Variants in MYH1 observed in about 807,000 individuals in gnomAD.
The protein encoded by MYH1 is myosin-1.
In MYH1, 214 loss-of-function variants were observed where a neutral mutation model predicts 225.6. The observed-to-expected ratio is 0.95, with a 90% CI of 0.85 to 1.06. The LOEUF is 1.06. Among genes scored for constraint, MYH1 ranks in the 50% least tolerant of loss-of-function variants. The probability of loss-of-function intolerance (pLI) is 0.00; values close to 1 mark genes in which losing one functional copy is unlikely to be tolerated. For synonymous variants in MYH1, 774 were observed against 842.3 expected (o/e 0.92, Z 1.40); for missense variants, 2,098 against 2,344.2 (o/e 0.89, Z 2.17).
Position 10,513,704 on chromosome 17 carries a change from A to T in MYH1, c.742-15T>A, listed in dbSNP as rs1464315525. Reference sequence around the variant, plus strand: ...ATGAATTTACCCTTGTAAGTAAAAAAAATGATGTTATACCCAAAGCTTGAA... The same window carrying T: ...ATGAATTTACCCTTGTAAGTAAAAATAATGATGTTATACCCAAAGCTTGAA... On this transcript the variant is annotated splice_polypyrimidine_tract_variant and intron_variant, in intron 8 of 39. Coordinates refer to ENST00000226207, the MANE Select transcript of MYH1 (RefSeq NM_005963.4). 1.2e-6 allele frequency: 2 copies of T among 1,613,870 alleles called. No individual in the cohort carries two copies. The highest frequency in any genetic ancestry group is 1.7e-6 in the Non-Finnish European group (2 of 1,179,844).
At chr17:10,513,542 C>G in intron 9 of MYH1, 84 bp downstream of exon 9, 1 of 1,332,316 alleles carries the variant, frequency 7.5e-7, no homozygotes, top group Non-Finnish European at 1.1e-6. Context: ...TTTACAAGCT[C>G]CATGTTCAGC....
Position 10,512,002 on chromosome 17 carries a change from G to A in MYH1, c.1267-14C>T, listed in dbSNP as rs367952734. ...TGCATTGTACACCTTCACAGATAAAGTTTGTTGGTGTTATTAAAGACATGT... is the reference window on the plus strand; with the variant it reads ...TGCATTGTACACCTTCACAGATAAAATTTGTTGGTGTTATTAAAGACATGT... On this transcript the variant is annotated splice_polypyrimidine_tract_variant and intron_variant, in intron 13 of 39. Coordinates refer to ENST00000226207, the MANE Select transcript of MYH1 (RefSeq NM_005963.4). The A allele has an allele frequency of 6.2e-7, 1 of 1,614,128 alleles. No homozygotes were observed.
rs753450887 is a variant in MYH1 at position 10,511,919 on chromosome 17, T to A, written c.1336A>T (p.Ile446Phe). 1.9e-6 allele frequency: 3 copies of A among 1,614,234 alleles called. No individual in the cohort carries two copies. The East Asian group carries it at 6.7e-5, about 36-fold the overall frequency. The change falls in exon 14 of 40, where the codon ATC (isoleucine) becomes TTC (phenylalanine). Residue 446 changes from isoleucine to phenylalanine, a missense_variant. Coordinates refer to ENST00000226207, the MANE Select transcript of MYH1 (RefSeq NM_005963.4). ...TGCTTGGTGTCCAGCTGCTGGTTGA[T>A]GCGGGTGACCATCCACAAGAACATC... ...DKMFLWMVTR[I>F]NQQLDTKQPR...
At chr17:10,515,862 G>A (rs1471052496) in intron 5 of MYH1, 64 bp downstream of exon 5, 4 of 1,610,796 alleles carry the variant, frequency 2.5e-6, no homozygotes, top group Non-Finnish European at 3.4e-6. Flanking sequence ...TCTTTTTTTA[G>A]TTCTAATATT....
At chr17:10,513,974 G>A (rs1421625504) in intron 7 of MYH1, 36 bp downstream of exon 7, 52 of 1,613,796 alleles carry the variant, frequency 3.2e-5, no homozygotes, top group Non-Finnish European at 4.3e-5. Context: ...TGAGAGTCCC[G>A]ACAGAGCCTG....
chr17:10,505,599 G>A lies in MYH1; in HGVS notation c.2175-88C>T, dbSNP rs534046664. ...GCTATAGAAACAACATAGCCACTGGGTAATCTGAAATAAACAAGAAATCAT... is the reference window on the plus strand; with the variant it reads ...GCTATAGAAACAACATAGCCACTGGATAATCTGAAATAAACAAGAAATCAT... On this transcript the variant is annotated intron_variant, in intron 19 of 39. Transcript: ENST00000226207. 9.4e-6 allele frequency: 14 copies of A among 1,495,658 alleles called. No individual in the cohort carries two copies. The South Asian group carries it at 1.8e-4, about 19-fold the overall frequency. The allele number at this position is 1,495,658 out of a possible 1,614,324, so 92.6% of individuals were successfully genotyped here. A position where few individuals can be genotyped will look rare whatever the true frequency, so the allele number is the denominator to read the frequency against.
intron 14 of MYH1, among the ~76,000 whole-genome samples, chr17:10,511,625 A>G (rs2073170571): frequency 6.6e-6 from 1 of 152,182 alleles, no homozygotes. Flanking sequence ...CACAGCTAGT[A>G]ATTGGCAGAG....
chr17:10,497,214 T>C (rs369922864), intron 32 of MYH1, 21 bp from the exon 33 acceptor site: 7 of 1,597,862 alleles, frequency 4.4e-6, no homozygotes, highest in Non-Finnish European at 6.0e-6. Flanking sequence ...ACAAAAAATA[T>C]AGAAATTTGT....
chr17:10,505,151 T>C lies in MYH1; in HGVS notation c.2435+12A>G. Reference sequence around the variant, plus strand: ...AAGATGATGAGGTTAAGTAAAGAATTCTTATTAATACCTTCTTTCCACCAT... The same window carrying C: ...AAGATGATGAGGTTAAGTAAAGAATCCTTATTAATACCTTCTTTCCACCAT... On this transcript the variant is annotated intron_variant, in intron 21 of 39. Transcript: ENST00000226207. 1 of 1,613,826 alleles carries C rather than the reference T, an allele frequency of 6.2e-7. No homozygotes were observed. Among genetic ancestry groups the C allele is most frequent in the South Asian group, 1.1e-5 (1 of 91,002 alleles).
At chr17:10,492,867 T>A (rs2072949945) in intron 39 of MYH1, among the ~76,000 whole-genome samples, 1 of 152,038 alleles carries the variant, frequency 6.6e-6, no homozygotes, top group Non-Finnish European at 1.5e-5. Flanking sequence ...TGTTTGTTTG[T>A]TTGTTTTTTT....
chr17:10,514,101 G>A lies in MYH1; in HGVS notation c.557C>T (p.Thr186Ile), dbSNP rs2073201545. ...CTGGATGACACGCTTGGTGTTCACAGTCTTCCCTGCGCCAGATTCTCCGCT... is the reference window on the plus strand; with the variant it reads ...CTGGATGACACGCTTGGTGTTCACAATCTTCCCTGCGCCAGATTCTCCGCT... ...LITGESGAGK[T>I]VNTKRVIQYF... Residue 186 changes from threonine (T) to isoleucine (I), a missense_variant, in exon 7 of 40, where the codon ACT (threonine) becomes ATT (isoleucine). Thr to Ile is a moderately conservative substitution (Grantham distance 89). Transcript: ENST00000226207. The A allele has an allele frequency of 6.2e-7, 1 of 1,614,154 alleles. No individual in the cohort carries two copies. Among genetic ancestry groups the A allele is most frequent in the East Asian group, 2.2e-5 (1 of 44,884 alleles).
At chr17:10,513,184 C>G (rs2073189680) in intron 9 of MYH1, among the ~76,000 whole-genome samples, 1 of 152,158 alleles carries the variant, frequency 6.6e-6, no homozygotes, top group Admixed American at 6.5e-5. Flanking sequence ...ATATTCACTT[C>G]TCATACAGAA....
At position 10,495,953 on chromosome 17, in the gene MYH1, G is replaced by C; in HGVS notation, c.5166C>G (p.Thr1722=). Residue 1722 remains threonine, a synonymous_variant, in exon 35 of 40, where the codon ACC becomes ACG. Coordinates refer to ENST00000226207, the MANE Select transcript of MYH1 (RefSeq NM_005963.4). ...DASERVQLLH[T]QNTSLINTKK... ...GCTATTCTATTATTACATGCACCTGGGTGTGCAGGAGCTGAACACGCTCAC... is the reference window on the plus strand; with the variant it reads ...GCTATTCTATTATTACATGCACCTGCGTGTGCAGGAGCTGAACACGCTCAC... 6.2e-7 allele frequency: 1 copy of C among 1,613,876 alleles called. No homozygotes were observed. The highest frequency in any genetic ancestry group is 1.1e-5 in the South Asian group (1 of 91,064).
rs921401620 is a variant in MYH1 at position 10,501,477 on chromosome 17, T to C, written c.3371A>G (p.Glu1124Gly). The C allele has an allele frequency of 3.1e-6, 5 of 1,614,106 alleles. No individual in the cohort carries two copies. In the African/African-American group the frequency reaches 6.7e-5, roughly 22 times the overall value. The part of the protein sequence containing the change: ...ELQARIEELE[E>G]EIEAERASRA... ...GGAGGCCCGCTCTGCCTCGATTTCC[T>C]CCTCCAGCTCCTCAATGCGGGCCTG... Residue 1124 changes from glutamate (E) to glycine (G), a missense_variant, in exon 27 of 40, where the codon GAG becomes GGG. Coordinates refer to ENST00000226207, the MANE Select transcript of MYH1 (RefSeq NM_005963.4).
chr17:10,501,387 A>G lies in MYH1; in HGVS notation c.3461T>C (p.Leu1154Pro), dbSNP rs1333724705. 2.5e-6 allele frequency: 4 copies of G among 1,614,134 alleles called. No individual in the cohort carries two copies. Among genetic ancestry groups the G allele is most frequent in the Non-Finnish European group, 3.4e-6 (4 of 1,180,024 alleles). ...SRELEEISER[L>P]EEAGGATSAQ... ...TGAGGTGGCCCCACCGGCTTCTTCC[A>G]GCCTCTCGCTGATCTCCTCCAGCTC... Residue 1154 changes from leucine (L) to proline (P), a missense_variant, in exon 27 of 40, where the codon CTG becomes CCG. By Grantham distance (98) the Leu-to-Pro change is moderately conservative. Transcript: ENST00000226207.
chr17:10,504,827 G>A lies in MYH1; in HGVS notation c.2674C>T (p.Gln892Ter), dbSNP rs531649678. Residue 892 changes from glutamine to a stop codon, truncating the protein, a stop_gained, in exon 22 of 40, where the codon CAA (glutamine) becomes TAA (stop). Transcript: ENST00000226207. LOFTEE classifies it high-confidence loss of function. ...VTLMQEKNDL[Q>*]LQVQAEADSL... is the part of the protein sequence containing the mutation. The stretch of plus-strand genomic sequence containing the variant: ...ATACTCACAGCTTGAACCTGGAGTT[G>A]CAAGTCATTTTTTTCTTGCATCAGA... 1.2e-6 allele frequency: 2 copies of A among 1,613,982 alleles called. No homozygotes were observed. Among genetic ancestry groups the A allele is most frequent in the South Asian group, 2.2e-5 (2 of 91,064 alleles).
chr17:10,511,775 T>C (rs181165806), intron 14 of MYH1, 64 bp downstream of exon 14: 11 of 1,611,024 alleles, frequency 6.8e-6, no homozygotes, highest in Admixed American at 5.0e-5. Context: ...AGGCATGCTA[T>C]ATGACTGCAG....
Position 10,496,548 on chromosome 17 carries a change from G to T in MYH1, c.4658C>A (p.Ala1553Glu), listed in dbSNP as rs1301215969. The T allele has an allele frequency of 6.2e-7, 1 of 1,614,136 alleles. No homozygotes were observed. Among genetic ancestry groups the T allele is most frequent in the African/African-American group, 1.3e-5 (1 of 75,026 alleles). ...ELQAALEEAE[A>E]SLEHEEGKIL... ...CTTTCCCTCTTCATGTTCAAGAGATGCCTTAATGACAGCAAGAGGTGACAT... is the reference window on the plus strand; with the variant it reads ...CTTTCCCTCTTCATGTTCAAGAGATTCCTTAATGACAGCAAGAGGTGACAT... Residue 1553 changes from alanine (A) to glutamate (E), a missense_variant and splice_region_variant, in exon 34 of 40, where the codon GCA becomes GAA. Ala to Glu is a moderately radical substitution (Grantham distance 107). Coordinates refer to ENST00000226207, the MANE Select transcript of MYH1 (RefSeq NM_005963.4).
At chr17:10,497,021 C>A (rs78287740) in intron 33 of MYH1, 48 bp downstream of exon 33, 7 of 1,586,970 alleles carry the variant, frequency 4.4e-6, no homozygotes, top group South Asian at 1.2e-5. Context: ...ATTTAATAGA[C>A]CCCAATTCCT....
Sources: allele counts gnomAD v4.1 joint callset (sites outside exome capture counted in the v4.1 genomes callset), GRCh38; gene constraint gnomAD v4.1.1; transcripts MANE v1.5; gene names NCBI Gene and HGNC (gene_info 2026-07-23, HGNC 2026-07-21).